The following ATAD3A variants were observed in gnomAD, a reference collection of about 807,000 sequenced individuals.
The protein encoded by ATAD3A is ATPase family AAA domain containing 3A.
A neutral mutation model predicts 73.8 loss-of-function variants in ATAD3A; 46 were observed. The observed-to-expected ratio is 0.62, with a 90% CI of 0.49 to 0.80. The LOEUF (loss-of-function observed/expected upper bound fraction) is 0.80. ATAD3A is among the 30% of genes least tolerant of loss of function. The pLI is 0.00. For synonymous variants in ATAD3A, 319 were observed against 350.0 expected (o/e 0.91, Z 0.99); for missense variants, 705 against 838.0 (o/e 0.84, Z 1.96).
Position 1,534,467 on chromosome 1 carries a change from T to C in ATAD3A, c.*395T>C. 7 of 1,136,058 alleles carry C rather than the reference T, an allele frequency of 6.2e-6. No individual in the cohort carries two copies. The highest frequency in any genetic ancestry group is 6.7e-6 in the Non-Finnish European group (6 of 889,740). 70.4% of individuals were successfully genotyped at this position (1,136,058 alleles called of 1,614,324 possible). On this transcript the variant is annotated 3_prime_UTR_variant, in exon 16 of 16. Coordinates refer to ENST00000378756, the MANE Select transcript of ATAD3A (RefSeq NM_001170535.3). The stretch of plus-strand genomic sequence containing the variant: ...TCTCGGCTCCCACAGCAGAGCCAGG[T>C]GAGGGGGCGCCTGCCAGGGCCAGAC...
intron 5 of ATAD3A, among the ~76,000 whole-genome samples, chr1:1,519,934 T>A (rs2015388): frequency 8.6e-5 from 13 of 151,806 alleles, no homozygotes; most frequent in South Asian, 4.1e-4. Context: ...GGCGTGGGCC[T>A]GTCTGTGGCG....
rs57442627 is a variant in ATAD3A at position 1,530,568 on chromosome 1, G to A, written c.1614+1237G>A. On this transcript the variant is annotated intron_variant, in intron 15 of 15. Transcript: ENST00000378756. ...ATAATGGCCGGGCGCGGTGGCTCACGCCTGTAATCCCAGCACTTTGGGAGG... is the reference window on the plus strand; with the variant it reads ...ATAATGGCCGGGCGCGGTGGCTCACACCTGTAATCCCAGCACTTTGGGAGG... Among the ~76,000 whole-genome samples the A allele has an allele frequency of 2.5e-5, 3 of 118,932 alleles. 1 individual carries two copies. The highest frequency in any genetic ancestry group is 5.6e-4 in the East Asian group (2 of 3,586). 78.0% of individuals were successfully genotyped at this position (118,932 alleles called of 152,430 possible). A position where few individuals can be genotyped will look rare whatever the true frequency, so the allele number is the denominator to read the frequency against.
chr1:1,528,214 C>T (rs978653485), intron 14 of ATAD3A, among the ~76,000 whole-genome samples: 9 of 152,172 alleles, frequency 5.9e-5, no homozygotes, highest in Admixed American at 5.2e-4. Context: ...TCACTCTCCT[C>T]AGCCTCCCAA....
chr1:1,517,912 C>G (rs528511083), intron 4 of ATAD3A, 137 bp downstream of exon 4: 2 of 1,193,004 alleles, frequency 1.7e-6, no homozygotes, highest in African/African-American at 2.9e-5. Flanking sequence ...GGGGAAACTA[C>G]TCGGACAGAC....
At chr1:1,519,056 T>C in intron 5 of ATAD3A, 66 bp downstream of exon 5, 2 of 1,612,392 alleles carry the variant, frequency 1.2e-6, no homozygotes, top group Admixed American at 3.3e-5. Context: ...CGGCGTGCAC[T>C]CTGAGCCTGA....
In ATAD3A at chr1:1,523,738, C is replaced by T. The variant is rs1641693911; in HGVS notation, c.964-101C>T. ...AGGCTGCCCCTGAGGTGGGAGGCTT[C>T]CCGAGGAGCCGAGTCTGCACCCAGG... On this transcript the variant is annotated intron_variant, in intron 9 of 15. Coordinates refer to ENST00000378756, the MANE Select transcript of ATAD3A (RefSeq NM_001170535.3). The surrounding 1 kb of genome is among the most constrained non-coding windows in gnomAD (Gnocchi z 5.1). 1 of 1,591,946 alleles carries T rather than the reference C, an allele frequency of 6.3e-7. No individual in the cohort carries two copies. Among genetic ancestry groups the T allele is most frequent in the East Asian group, 2.2e-5 (1 of 44,672 alleles).
At chr1:1,521,113 C>T (rs1451521860) in intron 7 of ATAD3A, among the ~76,000 whole-genome samples, 12 of 151,586 alleles carry the variant, frequency 7.9e-5, no homozygotes, top group African/African-American at 2.4e-4. Flanking sequence ...CTGGCTAACA[C>T]GGTGAAACCC....
chr1:1,522,523 G>A lies in ATAD3A; in HGVS notation c.751-221G>A, dbSNP rs537806347. Among the ~76,000 whole-genome samples, 231 of 152,354 alleles carry A rather than the reference G, an allele frequency of 1.5e-3. 2 individuals are homozygous for A. Among genetic ancestry groups the A allele is most frequent in the Non-Finnish European group, 2.5e-3 (172 of 68,030 alleles). ...TAGGATTTATGCTGCCAGTTGCAGA[G>A]AAAATGGCCCTGAGTGAGGGCGCTG... On this transcript the variant is annotated intron_variant, in intron 7 of 15. Coordinates refer to ENST00000378756, the MANE Select transcript of ATAD3A (RefSeq NM_001170535.3).
At position 1,529,467 on chromosome 1, in the gene ATAD3A, C is replaced by G. The variant is rs533850874; in HGVS notation, c.1614+136C>G. On this transcript the variant is annotated intron_variant, in intron 15 of 15. Transcript: ENST00000378756. ...GGGTTTTCAGTGCACAGAGGTGACA[C>G]AGGGCCCCCTGCCCCAGTCAGGCCA... is the stretch of plus-strand genomic sequence containing the variant. 100 of 1,455,680 alleles carry G rather than the reference C, an allele frequency of 6.9e-5. No individual in the cohort carries two copies. In the South Asian group the frequency reaches 1.2e-3, roughly 17 times the overall value. The allele number at this position is 1,455,680 out of a possible 1,614,324, so 90.2% of individuals were successfully genotyped here.
intron 7 of ATAD3A, among the ~76,000 whole-genome samples, chr1:1,521,778 C>A (rs1164751490): frequency 6.6e-6 from 1 of 152,238 alleles, no homozygotes; most frequent in Non-Finnish European, 1.5e-5. Flanking sequence ...CGGCTCACTG[C>A]AACCTCCACC....
At chr1:1,522,648 C>G (rs865988316) in intron 7 of ATAD3A, 96 bp from the exon 8 acceptor site, 1 of 1,569,058 alleles carries the variant, frequency 6.4e-7, no homozygotes, top group Non-Finnish European at 8.7e-7. Context: ...GCTTCTCCCT[C>G]GGGCGGAGAG....
At position 1,527,700 on chromosome 1, in the gene ATAD3A, T is replaced by A. The variant is rs911163828; in HGVS notation, c.1343T>A (p.Met448Lys). Reference sequence around the variant, plus strand: ...TCCTCATCCCCGCCCCGCAGGTTCATGCTGGTCCTGGCCAGCAACCAACCA... The same window carrying A: ...TCCTCATCCCCGCCCCGCAGGTTCAAGCTGGTCCTGGCCAGCAACCAACCA... Reference protein sequence around the residue: ...YRTGQHSNKFMLVLASNQPEQ... With the variant: ...YRTGQHSNKFKLVLASNQPEQ... The change falls in exon 14 of 16, where the codon ATG (methionine) becomes AAG (lysine). Residue 448 changes from methionine to lysine, a missense_variant. By Grantham distance (95) the Met-to-Lys change is moderately conservative (BLOSUM62 -1). Transcript: ENST00000378756. 2 of 1,611,678 alleles carry A rather than the reference T, an allele frequency of 1.2e-6. No homozygotes were observed. Among genetic ancestry groups the A allele is most frequent in the Non-Finnish European group, 1.7e-6 (2 of 1,178,780 alleles).
chr1:1,523,648 C>T lies in ATAD3A; in HGVS notation c.963+81C>T, dbSNP rs1035753306. On this transcript the variant is annotated intron_variant, in intron 9 of 15. Transcript: ENST00000378756. The surrounding 1 kb of genome is among the most constrained non-coding windows in gnomAD (Gnocchi z 5.1). ...CCGGGCTGTGGCCCTTGCTGGCGCTCGTGGTGGCACCCAGGAGCTTTTGGG... is the reference window on the plus strand; with the variant it reads ...CCGGGCTGTGGCCCTTGCTGGCGCTTGTGGTGGCACCCAGGAGCTTTTGGG... 1.9e-5 allele frequency: 31 copies of T among 1,603,110 alleles called. No homozygotes were observed. Among genetic ancestry groups the T allele is most frequent in the Admixed American group, 1.4e-4 (8 of 58,908 alleles).
rs770696377 is a variant in ATAD3A at position 1,522,731 on chromosome 1, GTC to G, written c.751-9_751-8del. 13 of 1,611,838 alleles carry G rather than the reference GTC, an allele frequency of 8.1e-6. No individual in the cohort carries two copies. Among genetic ancestry groups the G allele is most frequent in the Admixed American group, 1.7e-5 (1 of 59,990 alleles). On this transcript the variant is annotated splice_polypyrimidine_tract_variant and intron_variant, in intron 7 of 15. Transcript: ENST00000378756. The stretch of plus-strand genomic sequence containing the variant: ...GTGGGGGCCGGTGCGCCAGTGCGGT[GTC>G]TCTGCTGCAGGTGGCTGGGCTGACG...
Position 1,516,094 on chromosome 1 carries a change from T to C in ATAD3A, c.282+6T>C. The C allele has an allele frequency of 1.9e-6, 3 of 1,612,910 alleles. No individual in the cohort carries two copies. The highest frequency in any genetic ancestry group is 2.2e-5 in the East Asian group (1 of 44,868). ...AGCAACAGTCCAAGCTCAAAGTGAGTGGGGCCGGTGTGGGTGGGGAGGCCG... is the reference window on the plus strand; with the variant it reads ...AGCAACAGTCCAAGCTCAAAGTGAGCGGGGCCGGTGTGGGTGGGGAGGCCG... On this transcript the variant is annotated splice_donor_region_variant and intron_variant, in intron 2 of 15. Coordinates refer to ENST00000378756, the MANE Select transcript of ATAD3A (RefSeq NM_001170535.3).
At chr1:1,514,942 C>T (rs759938958) in intron 1 of ATAD3A, among the ~76,000 whole-genome samples, 11 of 152,156 alleles carry the variant, frequency 7.2e-5, no homozygotes, top group Non-Finnish European at 1.0e-4. Flanking sequence ...GGTGCAACCT[C>T]GGTTCATCGC....
Position 1,520,459 on chromosome 1 carries a change from G to T in ATAD3A, c.681-89G>T. 1.2e-6 allele frequency: 2 copies of T among 1,608,576 alleles called. No individual in the cohort carries two copies. The highest frequency in any genetic ancestry group is 1.1e-5 in the South Asian group (1 of 90,784). On this transcript the variant is annotated intron_variant, in intron 6 of 15. Transcript: ENST00000378756. The surrounding 1 kb of genome is among the most constrained non-coding windows in gnomAD (Gnocchi z 4.0). ...CCCTCTGTCCTGGCAAGGCCGTGCCGCCATGTCAGGGCCTCACCCTCAACC... is the reference window on the plus strand; with the variant it reads ...CCCTCTGTCCTGGCAAGGCCGTGCCTCCATGTCAGGGCCTCACCCTCAACC...
chr1:1,516,976 T>A (rs1641379124), intron 2 of ATAD3A: 2 of 1,117,954 alleles, frequency 1.8e-6, no homozygotes, highest in Admixed American at 2.9e-5. Flanking sequence ...CCTCCCAAAG[T>A]GCTGGGATTA....
At chr1:1,518,431 C>A (rs529013235) in intron 4 of ATAD3A, among the ~76,000 whole-genome samples, 53 of 145,068 alleles carry the variant, frequency 3.7e-4, no homozygotes, top group Non-Finnish European at 5.5e-4. Flanking sequence ...ACACACACAC[C>A]CACACACATG....
Sources: allele counts gnomAD v4.1 joint callset (sites outside exome capture counted in the v4.1 genomes callset), GRCh38; gene constraint gnomAD v4.1.1; non-coding constraint Gnocchi (gnomAD v3.1); transcripts MANE v1.5; gene names NCBI Gene and HGNC (gene_info 2026-07-23, HGNC 2026-07-21).